The following TECRL variants were observed in gnomAD, a reference collection of about 807,000 sequenced individuals.
TECRL encodes trans-2,3-enoyl-CoA reductase-like.
TECRL carries 63 observed loss-of-function variants against 52.8 expected under a neutral mutation model. The observed-to-expected ratio is 1.19, with a 90% CI of 0.97 to 1.47. TECRL has a LOEUF of 1.47. Among genes scored for constraint, TECRL ranks in the 40% most tolerant of loss-of-function variants. The pLI, the probability that TECRL is intolerant of heterozygous loss-of-function variation, is 0.00. For missense variants in TECRL, 482 were observed against 429.6 expected, an observed-to-expected ratio of 1.12 and a Z score of -1.08; for synonymous variants, 164 against 141.9, an observed-to-expected ratio of 1.16 and a Z score of -1.10.
chr4:64,397,306 A>G (rs1003371385), intron 1 of TECRL, among the ~76,000 whole-genome samples: 1 of 151,984 alleles, frequency 6.6e-6, no homozygotes, highest in Non-Finnish European at 1.5e-5. Flanking sequence ...TTTTATTACC[A>G]CTGGATATAT....
At position 64,328,563 on chromosome 4, in the gene TECRL, A is replaced by C; in HGVS notation, c.287-7T>G. 1.2e-6 allele frequency: 2 copies of C among 1,608,340 alleles called. No homozygotes were observed. Among genetic ancestry groups the C allele is most frequent in the Non-Finnish European group, 1.7e-6 (2 of 1,176,582 alleles). ...GAAGGGTACCACTTTGGACCTATTC[A>C]ATGAAAAATAACATTTAATTGTCAG... On this transcript the variant is annotated splice_polypyrimidine_tract_variant and splice_region_variant and intron_variant, in intron 2 of 11. Transcript: ENST00000381210.
chr4:64,319,649 T>C (rs1331073546), intron 4 of TECRL, among the ~76,000 whole-genome samples: 1 of 151,852 alleles, frequency 6.6e-6, no homozygotes, highest in Non-Finnish European at 1.5e-5. Flanking sequence ...ATACCCCTAA[T>C]ATTCATTGCA....
chr4:64,334,855 A>T (rs1389031193), intron 2 of TECRL, among the ~76,000 whole-genome samples: 1 of 152,226 alleles, frequency 6.6e-6, no homozygotes, highest in East Asian at 1.9e-4. Context: ...ATTTATGCTC[A>T]CTGGTTAAAA....
chr4:64,383,962 G>GCAA (rs1349013938), intron 1 of TECRL, among the ~76,000 whole-genome samples: 1 of 152,020 alleles, frequency 6.6e-6, no homozygotes, highest in East Asian at 1.9e-4. Flanking sequence ...GGTGGGTGCA[G>GCAA]TATTGTAGTC....
At chr4:64,372,224 C>G (rs1722026593) in intron 2 of TECRL, among the ~76,000 whole-genome samples, 1 of 151,612 alleles carries the variant, frequency 6.6e-6, no homozygotes. Flanking sequence ...TGTTAAGAAA[C>G]AAATAGATCA....
intron 2 of TECRL, among the ~76,000 whole-genome samples, chr4:64,351,468 C>T (rs1310151742): frequency 1.3e-5 from 2 of 152,006 alleles, no homozygotes; most frequent in African/African-American, 4.8e-5. Context: ...AGGATGAGGT[C>T]TCACTATATT....
intron 4 of TECRL, 33 bp downstream of exon 4, chr4:64,322,656 G>A: frequency 3.5e-6 from 5 of 1,441,334 alleles, no homozygotes; most frequent in Non-Finnish European, 4.7e-6. Flanking sequence ...CAAAATATGA[G>A]AAATGTATAT....
intron 1 of TECRL, among the ~76,000 whole-genome samples, chr4:64,382,335 ATACACACACATACACACACACT>A (rs1433917914): frequency 6.9e-6 from 1 of 145,126 alleles, no homozygotes; most frequent in African/African-American, 2.6e-5. Flanking sequence ...TTATATATAT[ATACACACACATACACACACACT>A]TACACACACA....
intron 1 of TECRL, among the ~76,000 whole-genome samples, chr4:64,408,776 A>C (rs1190733252): frequency 6.6e-6 from 1 of 152,146 alleles, no homozygotes; most frequent in African/African-American, 2.4e-5. Context: ...AAGTACACGA[A>C]GACAAAAACC....
In TECRL at chr4:64,409,369, G is replaced by C; in HGVS notation, c.-18C>G. The C allele has an allele frequency of 1.2e-6, 2 of 1,606,234 alleles. No individual in the cohort carries two copies. The highest frequency in any genetic ancestry group is 1.3e-5 in the African/African-American group (1 of 74,728). On this transcript the variant is annotated 5_prime_UTR_variant, in exon 1 of 12. Coordinates refer to ENST00000381210, the MANE Select transcript of TECRL (RefSeq NM_001010874.5). ...TTGAACATTGTGTGAACTAAGAGGA[G>C]GGTCTGTCATGTCAAAAGTAGAAAA...
intron 2 of TECRL, among the ~76,000 whole-genome samples, chr4:64,359,311 C>T (rs1354838463): frequency 6.6e-6 from 1 of 151,866 alleles, no homozygotes; most frequent in Non-Finnish European, 1.5e-5. Flanking sequence ...TGAGAACATT[C>T]TTTAGAATAT....
At chr4:64,344,770 G>A (rs1162803823) in intron 2 of TECRL, among the ~76,000 whole-genome samples, 3 of 152,120 alleles carry the variant, frequency 2.0e-5, no homozygotes, top group African/African-American at 4.8e-5. Flanking sequence ...ATCTGAAAAC[G>A]TTTCAGATAG....
chr4:64,397,395 G>T (rs6845410), intron 1 of TECRL, among the ~76,000 whole-genome samples: 1 of 151,460 alleles, frequency 6.6e-6, no homozygotes, highest in Non-Finnish European at 1.5e-5. Context: ...TACATACATG[G>T]TCCTAAGATG....
chr4:64,378,621 C>T (rs910144617), intron 1 of TECRL, among the ~76,000 whole-genome samples: 4 of 152,056 alleles, frequency 2.6e-5, no homozygotes, highest in African/African-American at 9.7e-5. Context: ...AAGTAACCTT[C>T]AGATTGCTCA....
chr4:64,373,775 T>C (rs1648968635), intron 2 of TECRL, among the ~76,000 whole-genome samples: 1 of 151,380 alleles, frequency 6.6e-6, no homozygotes, highest in Admixed American at 6.6e-5. Context: ...AGACACTTTA[T>C]TAGATAGAAT....
Position 64,356,855 on chromosome 4 carries a change from G to T in TECRL, c.286+18317C>A, listed in dbSNP as rs1338224742. 2.6e-5 allele frequency among the ~76,000 whole-genome samples: 4 copies of T among 152,242 alleles called. No individual in the cohort carries two copies. In the South Asian group the frequency reaches 8.3e-4, roughly 32 times the overall value. On this transcript the variant is annotated intron_variant, in intron 2 of 11. Coordinates refer to ENST00000381210, the MANE Select transcript of TECRL (RefSeq NM_001010874.5). ...GAGAATTACCCACAGGTGTGGAGGG[G>T]CTGGGCTCCTTCAACAATGAGTGTT...
chr4:64,318,187 C>T (rs1717637241), intron 4 of TECRL, among the ~76,000 whole-genome samples: 1 of 151,808 alleles, frequency 6.6e-6, no homozygotes, highest in Non-Finnish European at 1.5e-5. Context: ...ATACAAAGAC[C>T]AAACAGACTG....
intron 3 of TECRL, among the ~76,000 whole-genome samples, chr4:64,325,274 C>T (rs73821109): frequency 0.21 from 32,062 of 152,152 alleles, 3,548 homozygotes; most frequent in East Asian, 0.3. Context: ...ATTCCATCTG[C>T]GATGAGCACC....
intron 2 of TECRL, among the ~76,000 whole-genome samples, chr4:64,337,459 T>A (rs1719188026): frequency 6.6e-6 from 1 of 152,248 alleles, no homozygotes; most frequent in East Asian, 1.9e-4. Context: ...ATAAAGGGTA[T>A]TCAATTAGGA....
Sources: gnomAD v4.1 joint callset for allele counts (sites outside exome capture counted in the v4.1 genomes callset) on GRCh38, gnomAD v4.1.1 for gene constraint, MANE v1.5 for transcripts, NCBI Gene and HGNC (gene_info 2026-07-23, HGNC 2026-07-21) for gene names.